RASGRP1: variants seen among roughly 807,000 people sequenced by gnomAD.
RASGRP1 encodes the protein RAS guanyl releasing protein 1, also known as RAS guanyl-releasing protein 1.
A neutral mutation model predicts 95.1 loss-of-function variants in RASGRP1; 37 were observed. That is an observed-to-expected ratio of 0.39 (90% CI 0.30 to 0.51). RASGRP1 has a LOEUF of 0.51. Among genes scored for constraint, RASGRP1 ranks in the 20% least tolerant of loss-of-function variants. The pLI, the probability that RASGRP1 is intolerant of heterozygous loss-of-function variation, is 0.80. For synonymous variants in RASGRP1, 325 were observed against 353.4 expected (o/e 0.92, Z 0.90); for missense variants, 711 against 965.4 (o/e 0.74, Z 3.49).
At chr15:38,543,648 C>CT (rs11450286) in intron 2 of RASGRP1, among the ~76,000 whole-genome samples, 8,990 of 49,456 alleles carry the variant, frequency 0.18, 1,220 homozygotes, top group African/African-American at 0.42. Flanking sequence ...TTCTTTTTTT[C>CT]TTTTTTTTTT....
chr15:38,499,405 A>G (rs1207182479), intron 14 of RASGRP1, among the ~76,000 whole-genome samples: 1 of 152,234 alleles, frequency 6.6e-6, no homozygotes, highest in Non-Finnish European at 1.5e-5. Context: ...CTTCTGTTGC[A>G]GAAGAGATTC....
chr15:38,549,985 C>T (rs1893265072), intron 2 of RASGRP1, among the ~76,000 whole-genome samples: 1 of 152,190 alleles, frequency 6.6e-6, no homozygotes, highest in Admixed American at 6.5e-5. Flanking sequence ...AGGCTGGGCA[C>T]AGTGGCTCAT....
At chr15:38,555,762 T>C (rs1200213132) in intron 2 of RASGRP1, among the ~76,000 whole-genome samples, 1 of 152,090 alleles carries the variant, frequency 6.6e-6, no homozygotes, top group African/African-American at 2.4e-5. Flanking sequence ...AAATAGAAGA[T>C]ATTAGGAAGC....
rs574030625 is a variant in RASGRP1, at chr15:38,525,178, G to A, written c.326+1121C>T. ...AGATGGGGTTTCACCATGTTGGCCA[G>A]GCTGGTCTCAAACTCCTGACCTTAA... On this transcript the variant is annotated intron_variant, in intron 3 of 16. Transcript: ENST00000310803. Among the ~76,000 whole-genome samples, 847 of 152,146 alleles carry A rather than the reference G, an allele frequency of 5.6e-3. 3 individuals carry two copies. The highest frequency in any genetic ancestry group is 8.6e-3 in the Non-Finnish European group (582 of 67,998).
intron 2 of RASGRP1, among the ~76,000 whole-genome samples, chr15:38,550,193 T>C (rs1369619076): frequency 7.1e-6 from 1 of 140,882 alleles, no homozygotes; most frequent in Non-Finnish European, 1.5e-5. Flanking sequence ...GAGGTTGCAG[T>C]GAGCCCAGAT....
intron 12 of RASGRP1, chr15:38,501,544 C>A: frequency 1.7e-6 from 1 of 603,424 alleles, no homozygotes; most frequent in Non-Finnish European, 3.1e-6. Context: ...ACTAACTTGA[C>A]CACTATCTAT....
intron 2 of RASGRP1, among the ~76,000 whole-genome samples, chr15:38,531,043 G>A (rs1191428062): frequency 6.6e-6 from 1 of 152,320 alleles, no homozygotes; most frequent in Non-Finnish European, 1.5e-5. Context: ...AAAAGAGCCT[G>A]AAGAGCAACA....
intron 10 of RASGRP1, 128 bp downstream of exon 10, chr15:38,505,712 G>A (rs1320318019): frequency 1.4e-6 from 1 of 714,124 alleles, no homozygotes; most frequent in East Asian, 2.7e-5. Context: ...CCTAGCATAA[G>A]GTTGAGCACT....
intron 2 of RASGRP1, among the ~76,000 whole-genome samples, chr15:38,547,295 C>T (rs1001730768): frequency 3.9e-5 from 6 of 152,162 alleles, no homozygotes; most frequent in African/African-American, 1.4e-4. Context: ...CTTCCACCAG[C>T]CTGAGAGGTT....
At position 38,494,786 on chromosome 15, in the gene RASGRP1, C is replaced by T; in HGVS notation, c.1874-19G>A. 7.0e-7 allele frequency: 1 copy of T among 1,438,710 alleles called. No homozygotes were observed. Among genetic ancestry groups the T allele is most frequent in the Non-Finnish European group, 9.1e-7 (1 of 1,097,408 alleles). The allele number at this position is 1,438,710 out of a possible 1,614,324, so 89.1% of individuals were successfully genotyped here. On this transcript the variant is annotated intron_variant, in intron 15 of 16. Coordinates refer to ENST00000310803, the MANE Select transcript of RASGRP1 (RefSeq NM_005739.4). ...TCAGGTGCTGTAGGAAGATACAGGA[C>T]ATGCTAGTACTCTAGCTCAGGAAAG...
intron 9 of RASGRP1, among the ~76,000 whole-genome samples, chr15:38,507,212 A>G (rs547697278): frequency 1.3e-4 from 20 of 152,224 alleles, no homozygotes; most frequent in Non-Finnish European, 2.2e-4. Flanking sequence ...ATCTCACCCC[A>G]TATGCAAAAT....
chr15:38,501,729 G>A (rs576550120), intron 12 of RASGRP1, among the ~76,000 whole-genome samples: 2 of 152,264 alleles, frequency 1.3e-5, no homozygotes, highest in Non-Finnish European at 2.9e-5. Flanking sequence ...AAAATGCAAA[G>A]TATGAATAAG....
At chr15:38,497,300 C>T (rs746032981) in intron 15 of RASGRP1, among the ~76,000 whole-genome samples, 1 of 152,162 alleles carries the variant, frequency 6.6e-6, no homozygotes, top group East Asian at 1.9e-4. Context: ...AATAGCTCCT[C>T]ATTTTATCAT....
chr15:38,500,204 A>G (rs888695237), intron 13 of RASGRP1, 65 bp from the exon 14 acceptor site: 26 of 1,539,524 alleles, frequency 1.7e-5, no homozygotes, highest in Middle Eastern at 1.7e-4. Flanking sequence ...CTACAAGGTG[A>G]CATTCCTTTA....
chr15:38,557,459 G>A (rs769954510), intron 2 of RASGRP1, among the ~76,000 whole-genome samples: 4 of 152,150 alleles, frequency 2.6e-5, no homozygotes, highest in African/African-American at 9.7e-5. Flanking sequence ...CCCTTGGCCC[G>A]TGAGGGACTT....
intron 14 of RASGRP1, chr15:38,499,186 T>G: frequency 1.5e-6 from 1 of 657,210 alleles, no homozygotes; most frequent in Non-Finnish European, 2.8e-6. Flanking sequence ...TCCTGATATC[T>G]TGGAGGGAAG....
At chr15:38,502,668 G>A (rs891098722) in intron 11 of RASGRP1, among the ~76,000 whole-genome samples, 1 of 152,054 alleles carries the variant, frequency 6.6e-6, no homozygotes, top group Non-Finnish European at 1.5e-5. Context: ...ATACTATCAC[G>A]CTGGCTACTC....
intron 12 of RASGRP1, 39 bp from the exon 13 acceptor site, chr15:38,501,326 G>T: frequency 1.2e-6 from 2 of 1,608,942 alleles, no homozygotes; most frequent in South Asian, 2.2e-5. Context: ...TGAGTATAAG[G>T]GGCATGGAGG....
chr15:38,506,555 G>A (rs1334912453), intron 9 of RASGRP1, among the ~76,000 whole-genome samples: 1 of 148,162 alleles, frequency 6.7e-6, no homozygotes, highest in Non-Finnish European at 1.5e-5. Flanking sequence ...GGATGGCTTG[G>A]ACCTGGAAGA....
Sources: allele counts gnomAD v4.1 joint callset (sites outside exome capture counted in the v4.1 genomes callset), GRCh38; gene constraint gnomAD v4.1.1; transcripts MANE v1.5; gene names NCBI Gene and HGNC (gene_info 2026-07-23, HGNC 2026-07-21).